The following FHOD3 variants were observed in gnomAD, a reference collection of about 807,000 sequenced individuals.
FHOD3 encodes the protein FH1/FH2 domain-containing protein 3.
Under a neutral mutation model 173.0 loss-of-function variants are expected in FHOD3, and 90 were observed. The observed-to-expected ratio is 0.52, with a 90% CI of 0.44 to 0.62. The LOEUF (loss-of-function observed/expected upper bound fraction) is 0.62, where lower values mean the gene tolerates loss of function less well. Ranked by LOEUF, FHOD3 falls within the 20% of genes least tolerant of loss-of-function variation. FHOD3 has a pLI of 0.00. For missense variants in FHOD3, 1,945 were observed against 2,034.7 expected (o/e 0.96, Z 0.85); for synonymous variants, 828 against 823.0 (o/e 1.01, Z -0.10).
intron 13 of FHOD3, among the ~76,000 whole-genome samples, chr18:36,656,805 CAAAT>C (rs1260713873): frequency 6.6e-6 from 1 of 152,102 alleles, no homozygotes. Context: ...AGTCCATTGA[CAAAT>C]AATATATCAT....
intron 14 of FHOD3, among the ~76,000 whole-genome samples, chr18:36,678,689 G>A (rs2038037422): frequency 6.6e-6 from 1 of 151,454 alleles, no homozygotes; most frequent in Non-Finnish European, 1.5e-5. Flanking sequence ...ACAAATGGTT[G>A]TTGAATTTAA....
chr18:36,376,514 C>T (rs1598889060), intron 3 of FHOD3, among the ~76,000 whole-genome samples: 1 of 152,268 alleles, frequency 6.6e-6, no homozygotes, highest in East Asian at 1.9e-4. Context: ...AGAGGCATTT[C>T]AGAATCCTAT....
chr18:36,311,123 G>T (rs1323128509), intron 1 of FHOD3, among the ~76,000 whole-genome samples: 1 of 151,928 alleles, frequency 6.6e-6, no homozygotes, highest in African/African-American at 2.4e-5. Context: ...AAAGGAGATG[G>T]ATGGATGGGG....
At chr18:36,350,254 G>T (rs891380654) in intron 1 of FHOD3, among the ~76,000 whole-genome samples, 3 of 152,140 alleles carry the variant, frequency 2.0e-5, no homozygotes, top group Admixed American at 2.0e-4. Flanking sequence ...TGGATATTTA[G>T]AAGGACACTT....
chr18:36,502,286 A>G lies in FHOD3; in HGVS notation c.405+287A>G, dbSNP rs961191648. ...TATTATACTTTAAGTTCTGGGACAC[A>G]TGTGCAAAATGTGCAGGTTTGTTAC... On this transcript the variant is annotated intron_variant, in intron 4 of 28. Coordinates refer to ENST00000590592, the MANE Select transcript of FHOD3 (RefSeq NM_001281740.3). 1.1e-5 allele frequency among the ~76,000 whole-genome samples: 1 copy of G among 89,200 alleles called. No individual in the cohort carries two copies. Among genetic ancestry groups the G allele is most frequent in the African/African-American group, 3.2e-5 (1 of 31,146 alleles). 58.5% of individuals were successfully genotyped at this position (89,200 alleles called of 152,430 possible).
intron 5 of FHOD3, among the ~76,000 whole-genome samples, chr18:36,524,454 C>A (rs1293867045): frequency 6.6e-6 from 1 of 152,056 alleles, no homozygotes; most frequent in Non-Finnish European, 1.5e-5. Context: ...TTCTCCAGAG[C>A]CTGAGGACTG....
In FHOD3 at chr18:36,332,476, C is replaced by T. The variant is rs146613891; in HGVS notation, c.166-23063C>T. ...GAGCTGGAGCAGGCAGATGCTCCTGCTAGAGATGTATGTGACTTGAGGAAC... is the reference window on the plus strand; with the variant it reads ...GAGCTGGAGCAGGCAGATGCTCCTGTTAGAGATGTATGTGACTTGAGGAAC... On this transcript the variant is annotated intron_variant, in intron 1 of 28. Transcript: ENST00000590592. Among the ~76,000 whole-genome samples, 524 of 152,352 alleles carry T rather than the reference C, an allele frequency of 3.4e-3. 4 individuals carry two copies. The highest frequency in any genetic ancestry group is 0.014 in the Middle Eastern group (4 of 294).
At chr18:36,416,215 A>G (rs957418508) in intron 3 of FHOD3, among the ~76,000 whole-genome samples, 1 of 151,990 alleles carries the variant, frequency 6.6e-6, no homozygotes, top group Non-Finnish European at 1.5e-5. Context: ...TTGTATTTTT[A>G]TTAGAGACAG....
intron 6 of FHOD3, among the ~76,000 whole-genome samples, chr18:36,589,231 A>T (rs991087796): frequency 5.3e-5 from 8 of 152,216 alleles, no homozygotes; most frequent in African/African-American, 1.7e-4. Context: ...GATTTCTGTT[A>T]TATACTGTGA....
chr18:36,331,689 G>A (rs1292699907), intron 1 of FHOD3, among the ~76,000 whole-genome samples: 4 of 152,170 alleles, frequency 2.6e-5, no homozygotes, highest in Non-Finnish European at 4.4e-5. Flanking sequence ...AGGATGGCAG[G>A]GAAGTTCGCT....
At chr18:36,573,667 T>A (rs894385716) in intron 5 of FHOD3, among the ~76,000 whole-genome samples, 1 of 152,206 alleles carries the variant, frequency 6.6e-6, no homozygotes, top group African/African-American at 2.4e-5. Context: ...TATTTAATTA[T>A]GTGATGTTGC....
intron 10 of FHOD3, among the ~76,000 whole-genome samples, chr18:36,633,280 A>G (rs1017433181): frequency 6.6e-6 from 1 of 152,164 alleles, no homozygotes; most frequent in African/African-American, 2.4e-5. Flanking sequence ...CACTAGCTTT[A>G]TGTGTTTTTT....
At position 36,511,217 on chromosome 18, in the gene FHOD3, G is replaced by A. The variant is rs926359586; in HGVS notation, c.406-1221G>A. On this transcript the variant is annotated intron_variant, in intron 4 of 28. Transcript: ENST00000590592. ...AATGTTTCAGCTTTATCCTAGATGC[G>A]TTTGAGACAAGGCACTGTCCAATTG... Among the ~76,000 whole-genome samples, 7 of 152,002 alleles carry A rather than the reference G, an allele frequency of 4.6e-5. No individual in the cohort carries two copies. In the East Asian group the frequency reaches 9.6e-4, roughly 21 times the overall value.
chr18:36,445,414 A>G (rs906468276), intron 3 of FHOD3, among the ~76,000 whole-genome samples: 1 of 152,194 alleles, frequency 6.6e-6, no homozygotes, highest in African/African-American at 2.4e-5. Context: ...ATGATTCTTA[A>G]GCAGGCATTT....
At chr18:36,390,772 C>A (rs2048265127) in intron 3 of FHOD3, among the ~76,000 whole-genome samples, 1 of 152,134 alleles carries the variant, frequency 6.6e-6, no homozygotes, top group Non-Finnish European at 1.5e-5. Context: ...TGATGATGGT[C>A]CTGTTACGCC....
intron 14 of FHOD3, among the ~76,000 whole-genome samples, chr18:36,663,437 G>A (rs1289466120): frequency 6.6e-6 from 1 of 152,174 alleles, no homozygotes; most frequent in Non-Finnish European, 1.5e-5. Context: ...CCAGTTTTTG[G>A]CTTTACCACT....
chr18:36,435,286 G>A (rs1054509701), intron 3 of FHOD3, among the ~76,000 whole-genome samples: 6 of 152,168 alleles, frequency 3.9e-5, no homozygotes, highest in Middle Eastern at 3.4e-3. Context: ...TAAAACCACT[G>A]TGTATGTTAT....
intron 3 of FHOD3, among the ~76,000 whole-genome samples, chr18:36,483,799 C>A (rs975016796): frequency 6.6e-6 from 1 of 152,174 alleles, no homozygotes; most frequent in African/African-American, 2.4e-5. Context: ...TTAATGAGCC[C>A]TCTGGAGCAG....
At chr18:36,450,168 A>G (rs959749388) in intron 3 of FHOD3, among the ~76,000 whole-genome samples, 7 of 152,106 alleles carry the variant, frequency 4.6e-5, no homozygotes, top group Non-Finnish European at 1.0e-4. Context: ...AGAACATACG[A>G]TGTTTGGTTT....
Sources: allele counts gnomAD v4.1 joint callset (sites outside exome capture counted in the v4.1 genomes callset), GRCh38; gene constraint gnomAD v4.1.1; transcripts MANE v1.5; gene names NCBI Gene and HGNC (gene_info 2026-07-23, HGNC 2026-07-21).